The following TRAPPC9 variants were observed in gnomAD, a reference collection of about 807,000 sequenced individuals.
The protein encoded by TRAPPC9 is trafficking protein particle complex subunit 9.
In TRAPPC9, 83 loss-of-function variants were observed where a neutral mutation model predicts 124.0. That is an observed-to-expected ratio of 0.67 (90% CI 0.56 to 0.80). TRAPPC9 has a LOEUF of 0.80. Among genes scored for constraint, TRAPPC9 ranks in the 30% least tolerant of loss-of-function variants. TRAPPC9 has a pLI of 0.00. For missense variants in TRAPPC9, 1,302 were observed against 1,508.3 expected, an observed-to-expected ratio of 0.86 and a Z score of 2.27; for synonymous variants, 638 against 617.5, an observed-to-expected ratio of 1.03 and a Z score of -0.49.
At chr8:140,125,334 G>T (rs1434528375) in intron 17 of TRAPPC9, among the ~76,000 whole-genome samples, 1 of 152,224 alleles carries the variant, frequency 6.6e-6, no homozygotes, top group African/African-American at 2.4e-5. Context: ...TCAGCAGACG[G>T]CTGCGGTGAC....
At chr8:139,949,145 A>G (rs1024857495) in intron 19 of TRAPPC9, among the ~76,000 whole-genome samples, 6 of 151,752 alleles carry the variant, frequency 4.0e-5, no homozygotes, top group African/African-American at 1.4e-4. Context: ...ATCACAGGAG[A>G]AAAAAAACCA....
chr8:140,346,453 G>T (rs1051848903), intron 9 of TRAPPC9, among the ~76,000 whole-genome samples: 1 of 152,192 alleles, frequency 6.6e-6, no homozygotes, highest in African/African-American at 2.4e-5. Context: ...CCTAGAACCC[G>T]TCAAACACAT....
chr8:140,303,457 G>A (rs1193268121), intron 10 of TRAPPC9, among the ~76,000 whole-genome samples: 1 of 152,160 alleles, frequency 6.6e-6, no homozygotes, highest in Non-Finnish European at 1.5e-5. Context: ...TGTACACACT[G>A]TATCATTTTT....
chr8:140,360,808 A>T (rs2132178341), intron 8 of TRAPPC9, among the ~76,000 whole-genome samples: 1 of 152,268 alleles, frequency 6.6e-6, no homozygotes, highest in South Asian at 2.1e-4. Context: ...ATCACAGCTT[A>T]CTGCAGTCTG....
At chr8:139,819,585 T>C (rs1051940472) in intron 21 of TRAPPC9, among the ~76,000 whole-genome samples, 3 of 152,156 alleles carry the variant, frequency 2.0e-5, no homozygotes, top group African/African-American at 7.2e-5. Flanking sequence ...CAGAGACAAC[T>C]ATAGATAAAT....
At chr8:139,947,905 T>G (rs200171065) in intron 19 of TRAPPC9, among the ~76,000 whole-genome samples, 1,913 of 43,322 alleles carry the variant, frequency 0.044, 230 homozygotes, top group East Asian at 0.062. Flanking sequence ...TATATATATA[T>G]ATAGAGAGAG....
intron 21 of TRAPPC9, among the ~76,000 whole-genome samples, chr8:139,757,466 C>G (rs1305298260): frequency 2.8e-5 from 4 of 144,476 alleles, no homozygotes; most frequent in Non-Finnish European, 4.5e-5. Flanking sequence ...GACAGCAGGT[C>G]GCAGGAGGAG....
chr8:139,775,528 G>A (rs1320897283), intron 21 of TRAPPC9, among the ~76,000 whole-genome samples: 2 of 152,226 alleles, frequency 1.3e-5, no homozygotes, highest in Non-Finnish European at 2.9e-5. Flanking sequence ...GGAAGTCAAG[G>A]GGCCGAGGCC....
At chr8:140,398,428 T>C (rs2069157546) in intron 6 of TRAPPC9, among the ~76,000 whole-genome samples, 1 of 152,198 alleles carries the variant, frequency 6.6e-6, no homozygotes, top group Non-Finnish European at 1.5e-5. Flanking sequence ...ACCAAAATGC[T>C]GATAATGATA....
intron 21 of TRAPPC9, among the ~76,000 whole-genome samples, chr8:139,819,632 G>A (rs995250204): frequency 2.0e-5 from 3 of 152,164 alleles, no homozygotes; most frequent in Non-Finnish European, 4.4e-5. Context: ...TCTAAATGAA[G>A]CATTAGCAAA....
At chr8:139,999,294 G>A (rs1017061572) in intron 18 of TRAPPC9, among the ~76,000 whole-genome samples, 1 of 151,916 alleles carries the variant, frequency 6.6e-6, no homozygotes, top group African/African-American at 2.4e-5. Context: ...AAGAAAACAC[G>A]ATTCAAAAGA....
chr8:140,219,739 C>T (rs931721310), intron 17 of TRAPPC9, among the ~76,000 whole-genome samples: 34 of 152,322 alleles, frequency 2.2e-4, no homozygotes, highest in African/African-American at 5.0e-4. Flanking sequence ...ACGGGGCAAA[C>T]GAGCCTGTTG....
intron 21 of TRAPPC9, among the ~76,000 whole-genome samples, chr8:139,790,687 G>A (rs938896073): frequency 6.6e-6 from 1 of 152,198 alleles, no homozygotes; most frequent in East Asian, 1.9e-4. Context: ...ACAGCCCCAC[G>A]GCACAGGATG....
intron 15 of TRAPPC9, among the ~76,000 whole-genome samples, chr8:140,273,661 C>A (rs1045576225): frequency 6.6e-6 from 1 of 152,138 alleles, no homozygotes; most frequent in South Asian, 2.1e-4. Flanking sequence ...CTGCCCAGGC[C>A]CCTCTGCCTG....
intron 16 of TRAPPC9, among the ~76,000 whole-genome samples, chr8:140,243,930 G>T (rs4736154): frequency 0.018 from 2,776 of 152,370 alleles, 25 homozygotes; most frequent in Non-Finnish European, 0.023. Flanking sequence ...AGCGAGCTTT[G>T]CAGCCTGAGC....
intron 21 of TRAPPC9, among the ~76,000 whole-genome samples, chr8:139,792,926 C>T (rs902715140): frequency 3.9e-5 from 6 of 152,222 alleles, no homozygotes; most frequent in Middle Eastern, 3.2e-3. Flanking sequence ...TGTCAAGGGA[C>T]GGAGCTGGCA....
chr8:140,128,445 T>C (rs2061137662), intron 17 of TRAPPC9, among the ~76,000 whole-genome samples: 1 of 152,154 alleles, frequency 6.6e-6, no homozygotes, highest in South Asian at 2.1e-4. Flanking sequence ...CAGTGACTAA[T>C]GGTCTGAGGT....
At chr8:139,866,588 A>G (rs1209163320) in intron 21 of TRAPPC9, among the ~76,000 whole-genome samples, 1 of 152,168 alleles carries the variant, frequency 6.6e-6, no homozygotes, top group Non-Finnish European at 1.5e-5. Context: ...AGGAAGACCG[A>G]TAAGTTACAG....
At chr8:139,739,905 T>A (rs576510121) in intron 21 of TRAPPC9, among the ~76,000 whole-genome samples, 1 of 152,210 alleles carries the variant, frequency 6.6e-6, no homozygotes, top group African/African-American at 2.4e-5. Context: ...GCTGGACACA[T>A]AGATGGATGA....
Sources: allele counts gnomAD v4.1 joint callset (sites outside exome capture counted in the v4.1 genomes callset), GRCh38; gene constraint gnomAD v4.1.1; transcripts MANE v1.5; gene names NCBI Gene and HGNC (gene_info 2026-07-23, HGNC 2026-07-21).